The following FSTL5 variants were observed in gnomAD, a reference collection of about 807,000 sequenced individuals.
FSTL5 encodes follistatin-related protein 5.
A neutral mutation model predicts 89.1 loss-of-function variants in FSTL5; 62 were observed. The ratio of observed to expected loss-of-function variants is 0.70; its 90% CI spans 0.57 to 0.86. The LOEUF is 0.86. Among genes scored for constraint, FSTL5 ranks in the 40% least tolerant of loss-of-function variants. The pLI is 0.00. For missense variants in FSTL5, 1,057 were observed against 1,001.6 expected (o/e 1.06, Z -0.75); for synonymous variants, 383 against 346.2 (o/e 1.11, Z -1.18).
chr4:162,023,437 C>T (rs1299005370), intron 3 of FSTL5, among the ~76,000 whole-genome samples: 1 of 152,066 alleles, frequency 6.6e-6, no homozygotes, highest in East Asian at 1.9e-4. Flanking sequence ...TTTTCTCTAC[C>T]CTTTGGGCTT....
At chr4:161,750,906 C>T (rs567824277) in intron 6 of FSTL5, among the ~76,000 whole-genome samples, 4 of 152,192 alleles carry the variant, frequency 2.6e-5, no homozygotes, top group African/African-American at 7.2e-5. Flanking sequence ...TTTTATTGCA[C>T]TGCAATTACA....
chr4:161,615,797 T>G (rs1172876958), intron 7 of FSTL5, among the ~76,000 whole-genome samples: 2 of 152,168 alleles, frequency 1.3e-5, no homozygotes, highest in East Asian at 3.8e-4. Context: ...TATTCTTCAT[T>G]ATTCACAGGG....
At chr4:161,460,888 T>G (rs1733543170) in intron 13 of FSTL5, among the ~76,000 whole-genome samples, 2 of 151,368 alleles carry the variant, frequency 1.3e-5, no homozygotes, top group South Asian at 2.1e-4. Context: ...TATTTCCTTT[T>G]GACTGATATT....
intron 15 of FSTL5, among the ~76,000 whole-genome samples, chr4:161,440,362 T>G (rs2126365760): frequency 6.6e-6 from 1 of 151,992 alleles, no homozygotes; most frequent in East Asian, 1.9e-4. Context: ...GAAGAAGCAT[T>G]GTCCTGGGGC....
intron 3 of FSTL5, among the ~76,000 whole-genome samples, chr4:161,976,387 A>G (rs757565436): frequency 3.9e-5 from 6 of 152,160 alleles, no homozygotes; most frequent in Non-Finnish European, 7.3e-5. Flanking sequence ...TTTTCTCCCA[A>G]TTCATCATCA....
At chr4:161,757,808 G>C (rs565399755) in intron 6 of FSTL5, among the ~76,000 whole-genome samples, 1 of 151,882 alleles carries the variant, frequency 6.6e-6, no homozygotes, top group Non-Finnish European at 1.5e-5. Flanking sequence ...TAGTAGAGAT[G>C]GGGTTTCTCC....
intron 6 of FSTL5, among the ~76,000 whole-genome samples, chr4:161,688,576 G>A (rs1038348318): frequency 6.6e-6 from 1 of 152,148 alleles, no homozygotes; most frequent in Non-Finnish European, 1.5e-5. Context: ...GGTTGGCAAA[G>A]AGATTAGGGC....
At chr4:161,686,258 C>A (rs1296867363) in intron 6 of FSTL5, among the ~76,000 whole-genome samples, 1 of 129,956 alleles carries the variant, frequency 7.7e-6, no homozygotes, top group African/African-American at 2.9e-5. Context: ...TAGGGTGATA[C>A]TGGCTTCACA....
At chr4:161,717,569 G>C (rs1219549601) in intron 6 of FSTL5, among the ~76,000 whole-genome samples, 1 of 152,172 alleles carries the variant, frequency 6.6e-6, no homozygotes. Flanking sequence ...CCTCTTGAGA[G>C]GGCTGAATCT....
intron 1 of FSTL5, among the ~76,000 whole-genome samples, chr4:162,116,702 A>G (rs573154663): frequency 3.9e-5 from 6 of 152,254 alleles, no homozygotes; most frequent in Non-Finnish European, 7.4e-5. Context: ...TTACCTTTTA[A>G]AAGAGTTAGA....
At chr4:161,753,182 G>A (rs1740458766) in intron 6 of FSTL5, among the ~76,000 whole-genome samples, 1 of 151,996 alleles carries the variant, frequency 6.6e-6, no homozygotes, top group Non-Finnish European at 1.5e-5. Flanking sequence ...TTTATTTCTG[G>A]CTGAGGTCAC....
rs191946478 is a variant in FSTL5 at position 162,038,449 on chromosome 4, C to T, written c.127-4791G>A. Among the ~76,000 whole-genome samples the T allele has an allele frequency of 4.3e-3, 656 of 151,834 alleles. 12 individuals are homozygous for T. The highest frequency in any genetic ancestry group is 3.4e-3 in the Middle Eastern group (1 of 292). On this transcript the variant is annotated intron_variant, in intron 2 of 15. Transcript: ENST00000306100. ...ATATGGTATCTTAAATATTTTTAAA[C>T]AGAAATAAAGTAAATGTAACGTAAC... is the stretch of plus-strand genomic sequence containing the variant.
At chr4:161,591,692 A>G (rs1180552739) in intron 7 of FSTL5, among the ~76,000 whole-genome samples, 1 of 152,214 alleles carries the variant, frequency 6.6e-6, no homozygotes, top group Non-Finnish European at 1.5e-5. Context: ...GAGCTAATTA[A>G]CCACAGATTA....
At chr4:161,995,658 TATG>T (rs1736270474) in intron 3 of FSTL5, among the ~76,000 whole-genome samples, 1 of 151,308 alleles carries the variant, frequency 6.6e-6, no homozygotes, top group Admixed American at 6.6e-5. Flanking sequence ...AAGTATACAT[TATG>T]ATATGGGTCA....
At chr4:161,744,221 C>T (rs939901787) in intron 6 of FSTL5, among the ~76,000 whole-genome samples, 1 of 151,948 alleles carries the variant, frequency 6.6e-6, no homozygotes, top group African/African-American at 2.4e-5. Context: ...TGGACAGTAA[C>T]ATTCTCTGAG....
intron 8 of FSTL5, among the ~76,000 whole-genome samples, chr4:161,550,653 T>A (rs993117581): frequency 3.3e-5 from 5 of 151,854 alleles, no homozygotes. Context: ...TACATATGTT[T>A]ACATGTGCCA....
intron 12 of FSTL5, 115 bp downstream of exon 12, chr4:161,499,901 A>G (rs1671407424): frequency 1.5e-6 from 1 of 656,366 alleles, no homozygotes; most frequent in Non-Finnish European, 2.7e-6. Context: ...TGGGTTTCAT[A>G]ATTTTCTTCC....
At position 162,045,490 on chromosome 4, in the gene FSTL5, T is replaced by C. The variant is rs1738135549; in HGVS notation, c.127-11832A>G. 2.0e-5 allele frequency among the ~76,000 whole-genome samples: 3 copies of C among 152,242 alleles called. No individual in the cohort carries two copies. In the South Asian group the frequency reaches 6.2e-4, roughly 32 times the overall value. ...ATACCACATGTACCCCATAAATATA[T>C]ACAAATATTATGTACCTGTAATAAT... On this transcript the variant is annotated intron_variant, in intron 2 of 15. Transcript: ENST00000306100.
chr4:161,987,337 G>A (rs1578921164), intron 3 of FSTL5, among the ~76,000 whole-genome samples: 1 of 151,234 alleles, frequency 6.6e-6, no homozygotes, highest in East Asian at 1.9e-4. Flanking sequence ...TCTTTTAGTG[G>A]GCTTTCAAAA....
Sources: allele counts gnomAD v4.1 joint callset (sites outside exome capture counted in the v4.1 genomes callset), GRCh38; gene constraint gnomAD v4.1.1; transcripts MANE v1.5; gene names NCBI Gene and HGNC (gene_info 2026-07-23, HGNC 2026-07-21).